The following MOB3B variants were observed in gnomAD, a reference collection of about 807,000 sequenced individuals.
The protein encoded by MOB3B is MOB kinase activator-like 2B.
A neutral mutation model predicts 18.7 loss-of-function variants in MOB3B; 7 were observed. The ratio of observed to expected loss-of-function variants is 0.37; its 90% CI spans 0.21 to 0.70. The LOEUF (loss-of-function observed/expected upper bound fraction) is 0.70. MOB3B is among the 30% of genes least tolerant of loss of function. The probability of loss-of-function intolerance (pLI) is 0.52; values close to 1 mark genes in which losing one functional copy is unlikely to be tolerated. For synonymous variants in MOB3B, 111 were observed against 99.9 expected (o/e 1.11, Z -0.66); for missense variants, 253 against 281.3 (o/e 0.90, Z 0.72).
At chr9:27,349,863 C>G (rs1366050150) in intron 3 of MOB3B, among the ~76,000 whole-genome samples, 1 of 152,116 alleles carries the variant, frequency 6.6e-6, no homozygotes. Context: ...ACGGAAATGC[C>G]TCATGTGGCA....
Position 27,486,009 on chromosome 9 carries a change from A to G in MOB3B, c.-198-30261T>C, listed in dbSNP as rs368103223. Among the ~76,000 whole-genome samples, 6 of 152,356 alleles carry G rather than the reference A, an allele frequency of 3.9e-5. No individual in the cohort carries two copies. In the South Asian group the frequency reaches 1.2e-3, roughly 32 times the overall value. Reference sequence around the variant, plus strand: ...GGGTTTTCTGTAATGAATGAAAGATATAACTCTTCTCTTAGTGGAGCTTAC... The same window carrying G: ...GGGTTTTCTGTAATGAATGAAAGATGTAACTCTTCTCTTAGTGGAGCTTAC... On this transcript the variant is annotated intron_variant, in intron 1 of 3. Coordinates refer to ENST00000262244, the MANE Select transcript of MOB3B (RefSeq NM_024761.5).
chr9:27,441,735 G>A (rs1822597313), intron 2 of MOB3B, among the ~76,000 whole-genome samples: 1 of 152,150 alleles, frequency 6.6e-6, no homozygotes, highest in South Asian at 2.1e-4. Context: ...GATAAAGGGG[G>A]ACTACTATAT....
intron 1 of MOB3B, among the ~76,000 whole-genome samples, chr9:27,521,934 C>G (rs907524835): frequency 3.9e-5 from 6 of 151,994 alleles, no homozygotes; most frequent in Non-Finnish European, 4.4e-5. Flanking sequence ...TTAAAAACAG[C>G]CTTCTCTTAT....
At chr9:27,351,606 T>C (rs775198938) in intron 3 of MOB3B, among the ~76,000 whole-genome samples, 1 of 152,248 alleles carries the variant, frequency 6.6e-6, no homozygotes, top group South Asian at 2.1e-4. Flanking sequence ...GTACAGATGA[T>C]GTTTCAAAAG....
At chr9:27,365,231 TG>T (rs1230803054) in intron 2 of MOB3B, among the ~76,000 whole-genome samples, 6 of 151,270 alleles carry the variant, frequency 4.0e-5, no homozygotes, top group Non-Finnish European at 8.8e-5. Context: ...TATATAGTCC[TG>T]GCATGGAAGG....
intron 2 of MOB3B, among the ~76,000 whole-genome samples, chr9:27,368,745 AT>A (rs1389393406): frequency 2.6e-5 from 4 of 152,156 alleles, no homozygotes; most frequent in African/African-American, 9.7e-5. Flanking sequence ...GTATGTGATT[AT>A]ATGTTCTCAA....
intron 1 of MOB3B, among the ~76,000 whole-genome samples, chr9:27,522,242 C>CAAAAA (rs1171362204): frequency 0.012 from 668 of 56,026 alleles, 8 homozygotes; most frequent in African/African-American, 0.013. Flanking sequence ...CCCCGTCTCA[C>CAAAAA]AAAAAAAAAA....
At chr9:27,476,209 C>T (rs1024451114) in intron 1 of MOB3B, among the ~76,000 whole-genome samples, 3 of 152,180 alleles carry the variant, frequency 2.0e-5, no homozygotes, top group African/African-American at 7.2e-5. Flanking sequence ...CCTGCCATAA[C>T]AAAGTACTCA....
At chr9:27,355,559 CTTCT>C (rs199791829) in intron 3 of MOB3B, among the ~76,000 whole-genome samples, 2,435 of 129,620 alleles carry the variant, frequency 0.019, 33 homozygotes, top group East Asian at 0.1. Context: ...TTTTCTTTTT[CTTCT>C]TTTTTTTTTT....
In MOB3B at chr9:27,516,844, G is replaced by C. The variant is rs1354583275; in HGVS notation, c.-199+12711C>G. ...CAATCTATCTCTCCTGGCAGCATCA[G>C]TCTTCTGCTCTTGTCTAGGCCCATA... On this transcript the variant is annotated intron_variant, in intron 1 of 3. Transcript: ENST00000262244. 2.0e-5 allele frequency among the ~76,000 whole-genome samples: 3 copies of C among 152,290 alleles called. 1 individual carries two copies. The highest frequency in any genetic ancestry group is 4.1e-4 in the South Asian group (2 of 4,824).
chr9:27,488,947 A>G (rs1819773102), intron 1 of MOB3B, among the ~76,000 whole-genome samples: 1 of 152,212 alleles, frequency 6.6e-6, no homozygotes, highest in Admixed American at 6.5e-5. Flanking sequence ...AATTGTTCCT[A>G]CTTATTCTGG....
intron 2 of MOB3B, among the ~76,000 whole-genome samples, chr9:27,414,173 G>C (rs1001185871): frequency 6.6e-6 from 1 of 152,174 alleles, no homozygotes; most frequent in Non-Finnish European, 1.5e-5. Context: ...GATGATGTTT[G>C]CCCACTCTTG....
At position 27,326,090 on chromosome 9, in the gene MOB3B, A is replaced by C. The variant is rs3409; in HGVS notation, c.*4497T>G. ...TGATAAAGAATTTTGCATGGCGATT[A>C]AAATAGAAAACCTATAAATGTAGAA... On this transcript the variant is annotated 3_prime_UTR_variant, in exon 4 of 4. Transcript: ENST00000262244. 0.13 allele frequency: 21,585 copies of C among 168,680 alleles called. 1,528 individuals carry two copies. The highest frequency in any genetic ancestry group is 0.21 in the Middle Eastern group (82 of 396). The allele number at this position is 168,680 out of a possible 1,614,324, so 10.4% of individuals were successfully genotyped here.
intron 3 of MOB3B, among the ~76,000 whole-genome samples, chr9:27,338,796 G>A: frequency 6.6e-6 from 1 of 152,162 alleles, no homozygotes; most frequent in East Asian, 1.9e-4. Context: ...AATCCAAATA[G>A]CTGTATGTAT....
At chr9:27,382,639 C>T (rs1399980639) in intron 2 of MOB3B, among the ~76,000 whole-genome samples, 1 of 151,938 alleles carries the variant, frequency 6.6e-6, no homozygotes, top group East Asian at 1.9e-4. Flanking sequence ...CCTTGCCCTC[C>T]CAAGGCATAA....
chr9:27,460,295 C>G (rs1254833715), intron 1 of MOB3B, among the ~76,000 whole-genome samples: 2 of 152,154 alleles, frequency 1.3e-5, no homozygotes, highest in Admixed American at 6.5e-5. Flanking sequence ...TAGCACAAAA[C>G]TGACAGAAGT....
intron 2 of MOB3B, among the ~76,000 whole-genome samples, chr9:27,445,522 G>T (rs966383522): frequency 6.6e-6 from 1 of 152,150 alleles, no homozygotes; most frequent in Non-Finnish European, 1.5e-5. Flanking sequence ...TGACACATTT[G>T]CTCACATTTC....
intron 2 of MOB3B, among the ~76,000 whole-genome samples, chr9:27,371,149 C>T (rs1217558602): frequency 6.6e-6 from 1 of 152,106 alleles, no homozygotes; most frequent in Non-Finnish European, 1.5e-5. Context: ...TTGCAATAAG[C>T]CAGATTTGGT....
chr9:27,520,709 G>A (rs1820310582), intron 1 of MOB3B, among the ~76,000 whole-genome samples: 1 of 152,170 alleles, frequency 6.6e-6, no homozygotes, highest in Non-Finnish European at 1.5e-5. Context: ...TGTAAAGCCA[G>A]CATAGAGAAA....
Sources: allele counts gnomAD v4.1 joint callset (sites outside exome capture counted in the v4.1 genomes callset), GRCh38; gene constraint gnomAD v4.1.1; transcripts MANE v1.5; gene names NCBI Gene and HGNC (gene_info 2026-07-23, HGNC 2026-07-21).